The following SORBS2 variants were observed in gnomAD, a reference collection of about 807,000 sequenced individuals.
The protein encoded by SORBS2 is sorbin and SH3 domain-containing protein 2.
Under a neutral mutation model 97.7 loss-of-function variants are expected in SORBS2, and 46 were observed. That is an observed-to-expected ratio of 0.47 (90% CI 0.37 to 0.60). The LOEUF is 0.60. Ranked by LOEUF, SORBS2 falls within the 20% of genes least tolerant of loss-of-function variation. The pLI is 0.00. For synonymous variants in SORBS2, 476 were observed against 473.4 expected, an observed-to-expected ratio of 1.01 and a Z score of -0.07; for missense variants, 1,316 against 1,282.3, an observed-to-expected ratio of 1.03 and a Z score of -0.40.
chr4:185,685,167 A>G (rs2097931237), intron 2 of SORBS2, among the ~76,000 whole-genome samples: 1 of 152,218 alleles, frequency 6.6e-6, no homozygotes, highest in East Asian at 1.9e-4. Context: ...ATACCATTTA[A>G]ATTCAATTTA....
chr4:185,690,197 G>T (rs1378852989), intron 2 of SORBS2, among the ~76,000 whole-genome samples: 2 of 152,154 alleles, frequency 1.3e-5, no homozygotes, highest in African/African-American at 2.4e-5. Context: ...TATAGAACAG[G>T]TAAGTTTGAA....
chr4:185,939,250 A>G (rs1405575338), intron 1 of SORBS2, among the ~76,000 whole-genome samples: 1 of 152,106 alleles, frequency 6.6e-6, no homozygotes, highest in East Asian at 1.9e-4. Flanking sequence ...AGACAAACTG[A>G]CCCATTGTCA....
At chr4:185,850,794 T>C (rs2149684117) in intron 1 of SORBS2, among the ~76,000 whole-genome samples, 1 of 152,286 alleles carries the variant, frequency 6.6e-6, no homozygotes, top group South Asian at 2.1e-4. Flanking sequence ...TGTGAGGGTG[T>C]TTCTGGAAGA....
At chr4:185,785,731 C>T (rs2099053274) in intron 1 of SORBS2, among the ~76,000 whole-genome samples, 1 of 152,178 alleles carries the variant, frequency 6.6e-6, no homozygotes. Context: ...CACAGGAGGC[C>T]CTCCCCACGT....
chr4:185,727,139 G>C (rs1206517261), intron 2 of SORBS2, among the ~76,000 whole-genome samples: 2 of 152,162 alleles, frequency 1.3e-5, no homozygotes, highest in African/African-American at 4.8e-5. Flanking sequence ...TCTTTGTATT[G>C]CTTGGTGTGA....
intron 1 of SORBS2, among the ~76,000 whole-genome samples, chr4:185,934,716 G>A (rs1333580521): frequency 2.0e-5 from 3 of 151,592 alleles, no homozygotes; most frequent in Non-Finnish European, 4.4e-5. Context: ...CCCGGGAGGC[G>A]GAGGCTGCAG....
chr4:185,804,402 T>G (rs11132351), intron 1 of SORBS2, among the ~76,000 whole-genome samples: 112,502 of 152,114 alleles, frequency 0.74, 41,839 homozygotes, highest in East Asian at 0.97. Context: ...GAGGTCACTT[T>G]CACATGGAAA....
At chr4:185,724,907 C>T (rs529396800) in intron 2 of SORBS2, among the ~76,000 whole-genome samples, 16 of 152,322 alleles carry the variant, frequency 1.1e-4, no homozygotes, top group African/African-American at 3.8e-4. Flanking sequence ...TAGTTTCCTT[C>T]ACGTCTGTTT....
intron 2 of SORBS2, among the ~76,000 whole-genome samples, chr4:185,766,793 C>T (rs1374101626): frequency 1.3e-5 from 2 of 152,256 alleles, no homozygotes; most frequent in African/African-American, 2.4e-5. Flanking sequence ...TGTACTTGGA[C>T]CAGCATATTC....
At chr4:185,787,989 C>T (rs2099063946) in intron 1 of SORBS2, among the ~76,000 whole-genome samples, 1 of 152,174 alleles carries the variant, frequency 6.6e-6, no homozygotes, top group African/African-American at 2.4e-5. Context: ...ATTGTTGCGG[C>T]GAATGGGCAG....
rs756790378 is a variant in SORBS2 at position 185,652,632 on chromosome 4, C to A, written c.91+30G>T. ...ATGTAGTCCCTTCAACCCACAAGGACCTCATCAGAAAGCAGAGCAGCAGAC... is the reference window on the plus strand; with the variant it reads ...ATGTAGTCCCTTCAACCCACAAGGAACTCATCAGAAAGCAGAGCAGCAGAC... On this transcript the variant is annotated intron_variant, in intron 2 of 14. Coordinates refer to ENST00000418609, the Ensembl canonical transcript of SORBS2. 3 of 1,583,962 alleles carry A rather than the reference C, an allele frequency of 1.9e-6. No individual in the cohort carries two copies. The Admixed American group carries it at 5.0e-5, about 26-fold the overall frequency.
At chr4:185,620,837 C>G (rs2096709524) in intron 7 of SORBS2, among the ~76,000 whole-genome samples, 1 of 151,788 alleles carries the variant, frequency 6.6e-6, no homozygotes, top group Admixed American at 6.6e-5. Context: ...TTACTCCAAG[C>G]AAAAAAGGGA....
At chr4:185,830,601 T>C (rs2099204605) in intron 1 of SORBS2, among the ~76,000 whole-genome samples, 4 of 152,236 alleles carry the variant, frequency 2.6e-5, no homozygotes, top group Admixed American at 2.6e-4. Flanking sequence ...TAAAAGCTCA[T>C]GGCCAAAGGA....
chr4:185,813,216 T>C (rs183714263), intron 1 of SORBS2: 19 of 152,380 alleles, frequency 1.2e-4, no homozygotes, highest in African/African-American at 4.6e-4. Flanking sequence ...TAAATATAGA[T>C]GTTCTATTTG....
chr4:185,629,808 C>T (rs1237297191), intron 5 of SORBS2, among the ~76,000 whole-genome samples: 1 of 151,980 alleles, frequency 6.6e-6, no homozygotes, highest in Non-Finnish European at 1.5e-5. Context: ...TGATCTTCCC[C>T]CCTCAGCCTC....
In SORBS2 at chr4:185,636,671, T is replaced by C. The variant is rs966103232; in HGVS notation, c.397-6073A>G. 8.3e-5 allele frequency among the ~76,000 whole-genome samples: 12 copies of C among 144,044 alleles called. 1 individual carries two copies. The South Asian group carries it at 2.4e-3, about 29-fold the overall frequency. 94.5% of individuals were successfully genotyped at this position (144,044 alleles called of 152,430 possible). ...CTATTTTTTTTTTTTTTTTTTGAGA[T>C]GGAGTCTCACTCTGTCGCCCAGGCT... On this transcript the variant is annotated intron_variant, in intron 4 of 14. Transcript: ENST00000418609.
intron 1 of SORBS2, among the ~76,000 whole-genome samples, chr4:185,846,256 C>A (rs6824581): frequency 6.6e-6 from 1 of 152,226 alleles, no homozygotes; most frequent in African/African-American, 2.4e-5. Context: ...AACAAATGGA[C>A]GCCTCTCAAA....
At chr4:185,672,598 A>G (rs560202052) in intron 4 of SORBS2, among the ~76,000 whole-genome samples, 1 of 152,360 alleles carries the variant, frequency 6.6e-6, no homozygotes, top group Admixed American at 6.5e-5. Context: ...AACACTATGA[A>G]AAATTGTCAA....
chr4:185,742,714 T>C (rs2098734993), intron 2 of SORBS2, among the ~76,000 whole-genome samples: 1 of 152,192 alleles, frequency 6.6e-6, no homozygotes, highest in South Asian at 2.1e-4. Flanking sequence ...TAAATAAAGA[T>C]ATATTTGCTA....
Sources: gnomAD v4.1 joint callset for allele counts (sites outside exome capture counted in the v4.1 genomes callset) on GRCh38, gnomAD v4.1.1 for gene constraint, MANE v1.5 for transcripts, NCBI Gene and HGNC (gene_info 2026-07-23, HGNC 2026-07-21) for gene names.